The following SOX5 variants were observed in gnomAD, a reference collection of about 807,000 sequenced individuals.
SOX5 encodes the protein transcription factor SOX-5.
A neutral mutation model predicts 92.0 loss-of-function variants in SOX5; 9 were observed. The observed-to-expected ratio is 0.10, with a 90% CI of 0.06 to 0.17. SOX5 has a LOEUF of 0.17. Ranked by LOEUF, SOX5 falls within the 10% of genes least tolerant of loss-of-function variation. The probability of loss-of-function intolerance (pLI) is 1.00; values close to 1 mark genes in which losing one functional copy is unlikely to be tolerated. For missense variants in SOX5, 642 were observed against 944.5 expected (o/e 0.68, Z 4.20); for synonymous variants, 344 against 336.3 (o/e 1.02, Z -0.25).
At chr12:24,273,206 C>T (rs1035695556) in intron 3 of SOX5, among the ~76,000 whole-genome samples, 1 of 152,186 alleles carries the variant, frequency 6.6e-6, no homozygotes, top group African/African-American at 2.4e-5. Context: ...TTGCAGTGAG[C>T]CAAGATCAAG....
intron 4 of SOX5, among the ~76,000 whole-genome samples, chr12:24,195,791 G>T (rs754587390): frequency 2.6e-5 from 4 of 152,062 alleles, no homozygotes; most frequent in Non-Finnish European, 4.4e-5. Flanking sequence ...AAAATACATT[G>T]ATGTTAAGGA....
chr12:24,367,815 C>T (rs1205610174), intron 2 of SOX5: 2 of 152,058 alleles, frequency 1.3e-5, no homozygotes, highest in East Asian at 1.9e-4. Flanking sequence ...TTTTCTTGAA[C>T]TACTAGAAAT....
chr12:23,680,352 A>C (rs951083124), intron 6 of SOX5, among the ~76,000 whole-genome samples: 1 of 150,510 alleles, frequency 6.6e-6, no homozygotes, highest in Non-Finnish European at 1.5e-5. Context: ...AAAAAAGAAA[A>C]ATATAATAAC....
chr12:23,736,138 A>C, intron 5 of SOX5, among the ~76,000 whole-genome samples: 1 of 151,832 alleles, frequency 6.6e-6, no homozygotes, highest in Non-Finnish European at 1.5e-5. Context: ...TCATCAAGTA[A>C]TAGTCACTAA....
chr12:23,738,309 G>A (rs996896415), intron 5 of SOX5: 3 of 152,200 alleles, frequency 2.0e-5, no homozygotes, highest in Non-Finnish European at 2.9e-5. Context: ...AGACGAACCT[G>A]CCCTGACCCT....
chr12:23,754,937 A>G (rs2094313851), intron 4 of SOX5, among the ~76,000 whole-genome samples: 1 of 151,570 alleles, frequency 6.6e-6, no homozygotes, highest in African/African-American at 2.4e-5. Flanking sequence ...ATCCTACTGT[A>G]GAACTCAGAA....
intron 1 of SOX5, among the ~76,000 whole-genome samples, chr12:23,923,584 G>A (rs1219583269): frequency 6.6e-6 from 1 of 152,106 alleles, no homozygotes; most frequent in Admixed American, 6.5e-5. Context: ...GAAGTGCCAT[G>A]ACCAAAAGAT....
chr12:24,438,729 G>A (rs148824964), intron 1 of SOX5, among the ~76,000 whole-genome samples: 2 of 152,334 alleles, frequency 1.3e-5, no homozygotes, highest in African/African-American at 4.8e-5. Context: ...GAATTAGAAG[G>A]GGAGCCTGAA....
At chr12:23,702,842 GA>G (rs903416173) in intron 6 of SOX5, among the ~76,000 whole-genome samples, 1 of 151,866 alleles carries the variant, frequency 6.6e-6, no homozygotes, top group Non-Finnish European at 1.5e-5. Flanking sequence ...AGTTTAGATG[GA>G]AAAGGATTCA....
chr12:24,534,497 T>C (rs1951464882), intron 1 of SOX5, among the ~76,000 whole-genome samples: 1 of 152,330 alleles, frequency 6.6e-6, no homozygotes, highest in Admixed American at 6.5e-5. Context: ...CAAAAAAGAA[T>C]GCCATGAGTA....
intron 11 of SOX5, among the ~76,000 whole-genome samples, chr12:23,552,157 C>A (rs1377121676): frequency 6.6e-6 from 1 of 151,698 alleles, no homozygotes; most frequent in Non-Finnish European, 1.5e-5. Context: ...AAACTGATGA[C>A]AAATATCTAA....
intron 4 of SOX5, among the ~76,000 whole-genome samples, chr12:24,140,499 ATC>A (rs1950492309): frequency 6.6e-6 from 1 of 152,270 alleles, no homozygotes; most frequent in Non-Finnish European, 1.5e-5. Flanking sequence ...TATTTCTCTG[ATC>A]TCTCTGAAGA....
chr12:24,442,317 GTTTCAGGCATTA>G (rs1487238090), intron 1 of SOX5, among the ~76,000 whole-genome samples: 2 of 152,116 alleles, frequency 1.3e-5, no homozygotes, highest in African/African-American at 4.8e-5. Flanking sequence ...CATTTGTTTA[GTTTCAGGCATTA>G]TTTCAGGCTC....
chr12:23,916,866 G>T (rs1249205740), intron 1 of SOX5, among the ~76,000 whole-genome samples: 1 of 151,936 alleles, frequency 6.6e-6, no homozygotes, highest in Non-Finnish European at 1.5e-5. Flanking sequence ...ACTGCCTATG[G>T]AATTTCTATC....
intron 1 of SOX5, among the ~76,000 whole-genome samples, chr12:24,391,480 A>G (rs1201872185): frequency 6.6e-6 from 1 of 152,174 alleles, no homozygotes; most frequent in Non-Finnish European, 1.5e-5. Context: ...AATAAAGAGG[A>G]TAACCCAATG....
intron 13 of SOX5, among the ~76,000 whole-genome samples, chr12:23,537,033 A>T (rs556171742): frequency 6.6e-6 from 1 of 152,244 alleles, no homozygotes; most frequent in African/African-American, 2.4e-5. Context: ...TTTGAATCTG[A>T]GACTAATTAT....
chr12:23,873,050 T>C (rs2096891584), intron 2 of SOX5, among the ~76,000 whole-genome samples: 1 of 152,248 alleles, frequency 6.6e-6, no homozygotes. Context: ...ACTTTCCTTA[T>C]ATGAGACAGC....
chr12:23,721,055 G>A (rs928525010), intron 6 of SOX5, among the ~76,000 whole-genome samples: 1 of 151,652 alleles, frequency 6.6e-6, no homozygotes, highest in Admixed American at 6.6e-5. Context: ...TCTAAAGTCT[G>A]TTTTTCTATA....
intron 3 of SOX5, among the ~76,000 whole-genome samples, chr12:23,845,618 G>A (rs953043307): frequency 2.0e-5 from 3 of 148,380 alleles, no homozygotes; most frequent in African/African-American, 7.5e-5. Flanking sequence ...ACAAAATGTA[G>A]TGAAATTCTA....
Sources: gnomAD v4.1 joint callset for allele counts (sites outside exome capture counted in the v4.1 genomes callset) on GRCh38, gnomAD v4.1.1 for gene constraint, MANE v1.5 for transcripts, NCBI Gene and HGNC (gene_info 2026-07-23, HGNC 2026-07-21) for gene names.